Variants in RBM27 observed in about 807,000 individuals in gnomAD.
The protein encoded by RBM27 is RNA-binding protein 27.
A neutral mutation model predicts 135.3 loss-of-function variants in RBM27; 22 were observed. The observed-to-expected ratio is 0.16, with a 90% CI of 0.12 to 0.23. The LOEUF is 0.23. Ranked by LOEUF, RBM27 falls within the 10% of genes least tolerant of loss-of-function variation. RBM27 has a pLI of 1.00. For missense variants in RBM27, 1,009 were observed against 1,281.0 expected (o/e 0.79, Z 3.24); for synonymous variants, 481 against 442.4 (o/e 1.09, Z -1.10).
chr5:146,220,056 C>T (rs940039446), intron 2 of RBM27, among the ~76,000 whole-genome samples: 2 of 152,080 alleles, frequency 1.3e-5, no homozygotes, highest in Non-Finnish European at 2.9e-5. Context: ...TTTCATGGCA[C>T]TTGTCACCAC....
chr5:146,218,663 G>A (rs1027150439), intron 1 of RBM27, among the ~76,000 whole-genome samples: 8 of 152,168 alleles, frequency 5.3e-5, no homozygotes, highest in African/African-American at 1.9e-4. Context: ...ATAGCTGGGA[G>A]CCAAACAGCA....
At chr5:146,246,450 T>C (rs1389509390) in intron 8 of RBM27, among the ~76,000 whole-genome samples, 1 of 152,206 alleles carries the variant, frequency 6.6e-6, no homozygotes, top group Non-Finnish European at 1.5e-5. Context: ...TGACCAAAAC[T>C]AAACTGAATG....
chr5:146,242,026 G>A (rs1757427110), intron 8 of RBM27, among the ~76,000 whole-genome samples: 1 of 151,986 alleles, frequency 6.6e-6, no homozygotes, highest in Non-Finnish European at 1.5e-5. Flanking sequence ...GTGGGCTCAA[G>A]TGTTACTCCT....
intron 3 of RBM27, among the ~76,000 whole-genome samples, chr5:146,227,189 G>A (rs1371123000): frequency 6.6e-6 from 1 of 152,170 alleles, no homozygotes; most frequent in Admixed American, 6.5e-5. Context: ...AAACAACTTG[G>A]TAGACATGTG....
At chr5:146,234,895 A>G (rs771345855) in intron 7 of RBM27, among the ~76,000 whole-genome samples, 3 of 151,866 alleles carry the variant, frequency 2.0e-5, no homozygotes, top group Non-Finnish European at 2.9e-5. Flanking sequence ...TTAGCCAGGC[A>G]TGGTGGTGTG....
chr5:146,244,095 T>G (rs1477680017), intron 8 of RBM27, among the ~76,000 whole-genome samples: 1 of 152,202 alleles, frequency 6.6e-6, no homozygotes, highest in Non-Finnish European at 1.5e-5. Flanking sequence ...AGCATTCATT[T>G]AGGCTGCAGT....
intron 1 of RBM27, among the ~76,000 whole-genome samples, chr5:146,211,645 CTAA>C (rs940716988): frequency 6.6e-6 from 1 of 151,518 alleles, no homozygotes. Flanking sequence ...CCACACCTGG[CTAA>C]TTTTGTATTT....
At chr5:146,249,313 C>G (rs1056885443) in intron 8 of RBM27, among the ~76,000 whole-genome samples, 8 of 152,124 alleles carry the variant, frequency 5.3e-5, no homozygotes, top group Admixed American at 5.2e-4. Context: ...CTACTACATT[C>G]TGCTGATAGG....
chr5:146,251,995 T>G (rs1024869208), intron 9 of RBM27, 120 bp downstream of exon 9: 9 of 1,129,780 alleles, frequency 8.0e-6, no homozygotes, highest in Admixed American at 2.2e-5. Context: ...AGCTCATAGG[T>G]AGTTTTATTT....
chr5:146,205,934 G>T (rs994400846), intron 1 of RBM27, among the ~76,000 whole-genome samples: 1 of 152,106 alleles, frequency 6.6e-6, no homozygotes, highest in African/African-American at 2.4e-5. Flanking sequence ...CAGAAGAATC[G>T]CTTGAATCCC....
At chr5:146,261,919 C>T (rs929595323) in intron 13 of RBM27, 113 bp downstream of exon 13, 5 of 1,067,492 alleles carry the variant, frequency 4.7e-6, no homozygotes, top group Non-Finnish European at 6.8e-6. Flanking sequence ...ATTTGAACTG[C>T]AGACCAGTAG....
intron 8 of RBM27, among the ~76,000 whole-genome samples, chr5:146,248,157 C>T (rs1757711288): frequency 1.3e-5 from 2 of 150,474 alleles, no homozygotes; most frequent in Non-Finnish European, 3.0e-5. Context: ...ATATGTTTCA[C>T]TCCATTATAG....
intron 1 of RBM27, among the ~76,000 whole-genome samples, chr5:146,206,706 G>A (rs1371936972): frequency 2.6e-5 from 4 of 151,968 alleles, no homozygotes; most frequent in African/African-American, 7.2e-5. Flanking sequence ...CCAGCATCAC[G>A]AGTAGCTGGG....
chr5:146,264,516 A>T (rs1345590058), intron 14 of RBM27, among the ~76,000 whole-genome samples: 1 of 152,154 alleles, frequency 6.6e-6, no homozygotes, highest in Admixed American at 6.6e-5. Flanking sequence ...TAATTTCTTT[A>T]ATTTCATCTT....
At chr5:146,267,855 T>G in intron 15 of RBM27, 87 bp downstream of exon 15, 1 of 1,359,772 alleles carries the variant, frequency 7.4e-7, no homozygotes, top group African/African-American at 1.5e-5. Context: ...AATCAGTTCA[T>G]GTTGGCAGGG....
At position 146,215,966 on chromosome 5, in the gene RBM27, G is replaced by A. The variant is rs1178193380; in HGVS notation, c.60-3019G>A. The stretch of plus-strand genomic sequence containing the variant: ...GGATTTCACCATTTGGGTCAGGCTG[G>A]TCTTGAACTCCTGACCTCGTGATCC... On this transcript the variant is annotated intron_variant, in intron 1 of 20. Coordinates refer to ENST00000265271, the MANE Select transcript of RBM27 (RefSeq NM_018989.2). 3.3e-5 allele frequency among the ~76,000 whole-genome samples: 5 copies of A among 151,984 alleles called. No homozygotes were observed. The South Asian group carries it at 1.0e-3, about 32-fold the overall frequency.
chr5:146,258,588 G>A lies in RBM27; in HGVS notation c.1734G>A (p.Leu578=). Residue 578 remains leucine, a synonymous_variant, in exon 11 of 21, where the codon CTG becomes CTA. Coordinates refer to ENST00000265271, the MANE Select transcript of RBM27 (RefSeq NM_018989.2). ...GGCCACTCACAAAGAAACCTTGGCTGGGAAAGTAAGATAATTTGCTAATTA... is the reference window on the plus strand; with the variant it reads ...GGCCACTCACAAAGAAACCTTGGCTAGGAAAGTAAGATAATTTGCTAATTA... ...LEGPLTKKPW[L]GKQGNNNQNK... 1 of 1,565,186 alleles carries A rather than the reference G, an allele frequency of 6.4e-7. No homozygotes were observed. The highest frequency in any genetic ancestry group is 8.6e-7 in the Non-Finnish European group (1 of 1,159,568).
intron 1 of RBM27, among the ~76,000 whole-genome samples, chr5:146,210,371 A>G (rs981070390): frequency 6.6e-6 from 1 of 152,130 alleles, no homozygotes; most frequent in African/African-American, 2.4e-5. Flanking sequence ...GTATGTATAT[A>G]TTTTCCTCCC....
chr5:146,238,714 G>T (rs1757274138), intron 8 of RBM27, among the ~76,000 whole-genome samples: 1 of 141,752 alleles, frequency 7.1e-6, no homozygotes, highest in Non-Finnish European at 1.5e-5. Context: ...CCTCTTTTAT[G>T]TAACTATGTA....
Sources: gnomAD v4.1 joint callset for allele counts (sites outside exome capture counted in the v4.1 genomes callset) on GRCh38, gnomAD v4.1.1 for gene constraint, MANE v1.5 for transcripts, NCBI Gene and HGNC (gene_info 2026-07-23, HGNC 2026-07-21) for gene names.